Variants in LRCH1 observed in about 807,000 individuals in gnomAD.
LRCH1 encodes the protein leucine-rich repeat and calponin homology domain-containing protein 1.
A neutral mutation model predicts 94.9 loss-of-function variants in LRCH1; 23 were observed. That is an observed-to-expected ratio of 0.24 (90% CI 0.17 to 0.34). LRCH1 has a LOEUF of 0.34. LRCH1 is among the 10% of genes least tolerant of loss of function. The probability of loss-of-function intolerance (pLI) is 1.00; values close to 1 mark genes in which losing one functional copy is unlikely to be tolerated. For synonymous variants in LRCH1, 364 were observed against 354.9 expected (o/e 1.03, Z -0.29); for missense variants, 790 against 945.9 (o/e 0.84, Z 2.16).
At chr13:46,718,826 G>A (rs535018507) in intron 16 of LRCH1, among the ~76,000 whole-genome samples, 1 of 152,342 alleles carries the variant, frequency 6.6e-6, no homozygotes, top group African/African-American at 2.4e-5. Flanking sequence ...GAAGTTGAGA[G>A]CTACATTTTA....
At chr13:46,596,783 T>G (rs977987058) in intron 1 of LRCH1, among the ~76,000 whole-genome samples, 1 of 152,226 alleles carries the variant, frequency 6.6e-6, no homozygotes, top group Non-Finnish European at 1.5e-5. Context: ...ATGCTGGTAG[T>G]CAACATGGCT....
chr13:46,722,536 A>G (rs1016678868), intron 16 of LRCH1, among the ~76,000 whole-genome samples: 8 of 152,218 alleles, frequency 5.3e-5, no homozygotes, highest in African/African-American at 1.7e-4. Context: ...AGCTCATTTC[A>G]GAGGATGCCC....
At chr13:46,624,123 A>C (rs187262252) in intron 1 of LRCH1, among the ~76,000 whole-genome samples, 1 of 151,894 alleles carries the variant, frequency 6.6e-6, no homozygotes, top group African/African-American at 2.4e-5. Context: ...GCCTTAAATG[A>C]TCCTCCTGCC....
chr13:46,650,248 T>G lies in LRCH1; in HGVS notation c.355T>G (p.Phe119Val), dbSNP rs765818499. 1.9e-6 allele frequency: 3 copies of G among 1,612,878 alleles called. No homozygotes were observed. The highest frequency in any genetic ancestry group is 2.2e-5 in the East Asian group (1 of 44,794). ...TGAAGTTCCAATGGAATTGTGCCATTTTGTATCACTGGAAATTCTTAATCT... is the reference window on the plus strand; with the variant it reads ...TGAAGTTCCAATGGAATTGTGCCATGTTGTATCACTGGAAATTCTTAATCT... Reference protein sequence around the residue: ...LVEVPMELCHFVSLEILNLYH... With the variant: ...LVEVPMELCHVVSLEILNLYH... Residue 119 changes from phenylalanine to valine, a missense_variant, in exon 2 of 20, where the codon TTT becomes GTT. Around this residue, in one of 3 missense-constraint regions of LRCH1, gnomAD observed 194 missense variants for 293.5 expected, o/e 0.66. Coordinates refer to ENST00000389797, the MANE Select transcript of LRCH1 (RefSeq NM_001164211.2).
intron 1 of LRCH1, among the ~76,000 whole-genome samples, chr13:46,583,240 T>C (rs1199544492): frequency 6.6e-6 from 1 of 152,252 alleles, no homozygotes; most frequent in Non-Finnish European, 1.5e-5. Context: ...TATAATCTCA[T>C]GTCCATCCTC....
chr13:46,554,207 C>A (rs938353361), intron 1 of LRCH1, among the ~76,000 whole-genome samples: 1 of 152,256 alleles, frequency 6.6e-6, no homozygotes, highest in Non-Finnish European at 1.5e-5. Context: ...AGGTGGCACG[C>A]CCTCGGCCGA....
At chr13:46,572,170 C>A (rs931078300) in intron 1 of LRCH1, among the ~76,000 whole-genome samples, 2 of 152,252 alleles carry the variant, frequency 1.3e-5, no homozygotes, top group Non-Finnish European at 2.9e-5. Flanking sequence ...CTTGTACCCC[C>A]ACTGCAGGCC....
chr13:46,569,845 A>G (rs2050222995), intron 1 of LRCH1, among the ~76,000 whole-genome samples: 1 of 152,166 alleles, frequency 6.6e-6, no homozygotes, highest in Non-Finnish European at 1.5e-5. Flanking sequence ...TAAACAAAAC[A>G]AAACAATGAC....
At chr13:46,680,957 G>T (rs879490157) in intron 3 of LRCH1, among the ~76,000 whole-genome samples, 5 of 152,196 alleles carry the variant, frequency 3.3e-5, no homozygotes, top group Non-Finnish European at 7.3e-5. Flanking sequence ...GTGTGGGGGA[G>T]TGAAGAGCCC....
chr13:46,724,357 C>T (rs1872716598), intron 17 of LRCH1, among the ~76,000 whole-genome samples: 1 of 152,224 alleles, frequency 6.6e-6, no homozygotes, highest in Non-Finnish European at 1.5e-5. Context: ...TAAATTATCA[C>T]TACATGCCAC....
exon 19 of LRCH1, chr13:46,750,768 G>C: frequency 3.1e-6 from 2 of 649,762 alleles, no homozygotes; most frequent in Non-Finnish European, 5.3e-6. Context: ...ACTGACTCCA[G>C]TTACATTGAA....
At chr13:46,571,882 G>A (rs2050244823) in intron 1 of LRCH1, among the ~76,000 whole-genome samples, 1 of 151,108 alleles carries the variant, frequency 6.6e-6, no homozygotes, top group Non-Finnish European at 1.5e-5. Flanking sequence ...ATGTGTGTGT[G>A]AGAGAGAGAG....
intron 1 of LRCH1, among the ~76,000 whole-genome samples, chr13:46,555,262 T>A (rs2050051674): frequency 6.6e-6 from 1 of 152,202 alleles, no homozygotes; most frequent in Non-Finnish European, 1.5e-5. Context: ...TACATTAAAT[T>A]TTACTTCCCT....
chr13:46,719,407 A>G (rs1380933032), intron 16 of LRCH1, among the ~76,000 whole-genome samples: 1 of 152,216 alleles, frequency 6.6e-6, no homozygotes, highest in Non-Finnish European at 1.5e-5. Context: ...CAGATCCATA[A>G]TGGAGCGAAA....
At chr13:46,704,552 C>T (rs1024054221) in intron 11 of LRCH1, among the ~76,000 whole-genome samples, 14 of 151,952 alleles carry the variant, frequency 9.2e-5, no homozygotes, top group African/African-American at 3.4e-4. Flanking sequence ...CTTTATAGGT[C>T]TTTAAGAACA....
chr13:46,576,475 C>A (rs1454871594), intron 1 of LRCH1, among the ~76,000 whole-genome samples: 1 of 152,186 alleles, frequency 6.6e-6, no homozygotes, highest in African/African-American at 2.4e-5. Context: ...TGCCAATGAT[C>A]TGTGCATATT....
At chr13:46,605,905 G>A (rs1335833677) in intron 1 of LRCH1, among the ~76,000 whole-genome samples, 1 of 152,142 alleles carries the variant, frequency 6.6e-6, no homozygotes, top group Non-Finnish European at 1.5e-5. Context: ...GTCAGAGCTG[G>A]AAGGCTTCTT....
At position 46,742,885 on chromosome 13, in the gene LRCH1, C is replaced by T. The variant is rs1873738927; in HGVS notation, c.*1037C>T. The T allele has an allele frequency of 1.0e-6, 1 of 985,090 alleles. No homozygotes were observed. The highest frequency in any genetic ancestry group is 1.2e-6 in the Non-Finnish European group (1 of 829,760). The allele number at this position is 985,090 out of a possible 1,614,324, so 61.0% of individuals were successfully genotyped here. On this transcript the variant is annotated 3_prime_UTR_variant, in exon 20 of 20. Transcript: ENST00000389797. Reference sequence around the variant, plus strand: ...CTAATTATTTGAAATGTTCATTTAGCCTTTGATTTTCACTGATATTAACTA... The same window carrying T: ...CTAATTATTTGAAATGTTCATTTAGTCTTTGATTTTCACTGATATTAACTA...
At chr13:46,727,721 T>C (rs1305405621) in intron 17 of LRCH1, among the ~76,000 whole-genome samples, 2 of 152,128 alleles carry the variant, frequency 1.3e-5, no homozygotes, top group Non-Finnish European at 2.9e-5. Context: ...AATGTCAATA[T>C]CCTGGTTGTT....
Sources: allele counts gnomAD v4.1 joint callset (sites outside exome capture counted in the v4.1 genomes callset), GRCh38; gene constraint gnomAD v4.1.1; regional missense constraint gnomAD v4.1.1; transcripts MANE v1.5; gene names NCBI Gene and HGNC (gene_info 2026-07-23, HGNC 2026-07-21).